COTL1: variants seen among roughly 807,000 people sequenced by gnomAD.
The protein encoded by COTL1 is coactosin like F-actin binding protein 1, also known as coactosin-like protein.
Under a neutral mutation model 16.5 loss-of-function variants are expected in COTL1, and 15 were observed. The ratio of observed to expected loss-of-function variants is 0.91; its 90% CI spans 0.61 to 1.40. The LOEUF (loss-of-function observed/expected upper bound fraction) is 1.40. Ranked by LOEUF, COTL1 falls within the 40% of genes most tolerant of loss-of-function variation. COTL1 has a pLI of 0.00. For missense variants in COTL1, 220 were observed against 201.5 expected (o/e 1.09, Z -0.56); for synonymous variants, 112 against 85.3 (o/e 1.31, Z -1.73).
intron 3 of COTL1, among the ~76,000 whole-genome samples, chr16:84,582,247 G>A (rs12325048): frequency 0.23 from 34,726 of 151,686 alleles, 4,100 homozygotes; most frequent in Non-Finnish European, 0.27. Context: ...CACCCACCTC[G>A]GCCTCCCAAA....
intron 3 of COTL1, among the ~76,000 whole-genome samples, chr16:84,587,009 C>T (rs1465576519): frequency 1.3e-5 from 2 of 152,168 alleles, no homozygotes; most frequent in African/African-American, 2.4e-5. Flanking sequence ...CTCCCGGCGA[C>T]GTCCAGGAGT....
In COTL1 at chr16:84,617,476, C is replaced by G. The variant is rs376359334; in HGVS notation, c.160+25G>C. On this transcript the variant is annotated intron_variant, in intron 2 of 3. Coordinates refer to ENST00000262428, the MANE Select transcript of COTL1 (RefSeq NM_021149.5). Reference sequence around the variant, plus strand: ...AGACAACCTCCCAACGACCGCGCATCCGCCCGGCAGGCGCGCCTCCCTACC... The same window carrying G: ...AGACAACCTCCCAACGACCGCGCATGCGCCCGGCAGGCGCGCCTCCCTACC... 4.5e-6 allele frequency: 7 copies of G among 1,547,006 alleles called. No homozygotes were observed. The South Asian group carries it at 8.3e-5, about 18-fold the overall frequency.
intron 3 of COTL1, among the ~76,000 whole-genome samples, chr16:84,581,242 G>T (rs2875909): frequency 0.14 from 21,173 of 151,680 alleles, 3,249 homozygotes; most frequent in African/African-American, 0.38. Context: ...CAGGTGAAAT[G>T]CATCAGGCCA....
chr16:84,582,286 CGCCCA>C, intron 3 of COTL1, among the ~76,000 whole-genome samples: 1 of 152,236 alleles, frequency 6.6e-6, no homozygotes, highest in Non-Finnish European at 1.5e-5. Context: ...TGAGCCACTG[CGCCCA>C]GCCCATTTCT....
In COTL1 at chr16:84,617,823, A is replaced by G. The variant is rs557918370; in HGVS notation, c.77+15T>C. The G allele has an allele frequency of 1.9e-6, 3 of 1,567,310 alleles. No individual in the cohort carries two copies. The South Asian group carries it at 3.5e-5, about 18-fold the overall frequency. On this transcript the variant is annotated intron_variant, in intron 1 of 3. Transcript: ENST00000262428. ...CCCGGGGAGCGGGGCGTGGAGACGA[A>G]TGAAAAGTTCCTACCAGATGACGGC... is the stretch of plus-strand genomic sequence containing the variant.
At chr16:84,575,213 T>G (rs35796753) in intron 3 of COTL1, 10,164 of 151,936 alleles carry the variant, frequency 0.067, 528 homozygotes, top group African/African-American at 0.14. Context: ...AACTTTTGTA[T>G]TTTTAGTAGA....
intron 2 of COTL1, among the ~76,000 whole-genome samples, chr16:84,614,427 G>C (rs76933496): frequency 0.014 from 2,093 of 152,156 alleles, 42 homozygotes; most frequent in African/African-American, 0.048. Flanking sequence ...GAAAGGCCAG[G>C]CCAGGAGGCT....
At chr16:84,605,602 T>G (rs564824181) in intron 2 of COTL1, among the ~76,000 whole-genome samples, 3 of 152,304 alleles carry the variant, frequency 2.0e-5, no homozygotes, top group African/African-American at 7.2e-5. Context: ...ACCAGAGAGC[T>G]GGCATCATGA....
At chr16:84,577,262 T>G (rs1472601606) in intron 3 of COTL1, among the ~76,000 whole-genome samples, 2 of 151,510 alleles carry the variant, frequency 1.3e-5, no homozygotes, top group African/African-American at 4.9e-5. Context: ...TTTGGTTTTT[T>G]GAGACAGAGT....
At chr16:84,612,643 T>G (rs1319194625) in intron 2 of COTL1, among the ~76,000 whole-genome samples, 1 of 152,026 alleles carries the variant, frequency 6.6e-6, no homozygotes, top group African/African-American at 2.4e-5. Flanking sequence ...ACTTGCCGTG[T>G]GTGGTGGCAC....
At chr16:84,588,818 GT>G (rs750031327) in intron 3 of COTL1, among the ~76,000 whole-genome samples, 1 of 152,096 alleles carries the variant, frequency 6.6e-6, no homozygotes, top group South Asian at 2.1e-4. Flanking sequence ...TGCTCAGCCC[GT>G]TTTTGTTTTT....
intron 2 of COTL1, among the ~76,000 whole-genome samples, chr16:84,600,585 T>A (rs1049076145): frequency 1.3e-5 from 2 of 152,208 alleles, no homozygotes; most frequent in African/African-American, 2.4e-5. Context: ...AGAGCCAGGA[T>A]TACAGGCGCG....
intron 3 of COTL1, among the ~76,000 whole-genome samples, chr16:84,582,656 T>C (rs1192772797): frequency 2.0e-5 from 3 of 152,192 alleles, no homozygotes; most frequent in African/African-American, 7.2e-5. Flanking sequence ...GGTAGGAGAA[T>C]GGGGTAAGAA....
chr16:84,571,858 G>A (rs1904342606), intron 3 of COTL1, among the ~76,000 whole-genome samples: 1 of 152,214 alleles, frequency 6.6e-6, no homozygotes, highest in Non-Finnish European at 1.5e-5. Context: ...TATAGGGCCA[G>A]CAGCAACTCT....
At chr16:84,582,008 T>G (rs12325428) in intron 3 of COTL1, among the ~76,000 whole-genome samples, 1 of 133,108 alleles carries the variant, frequency 7.5e-6, no homozygotes, top group Non-Finnish European at 1.6e-5. Flanking sequence ...TTTTTTGAGA[T>G]GGAGTCTTGC....
At position 84,566,872 on chromosome 16, in the gene COTL1, TC is replaced by T. The variant is rs1437232641; in HGVS notation, c.401del (p.Gly134GlufsTer48). On this transcript the variant is annotated frameshift_variant, in exon 4 of 4. Coordinates refer to ENST00000262428, the MANE Select transcript of COTL1 (RefSeq NM_021149.5). LOFTEE classifies it high-confidence loss of function. ...FIKSELKKAG[G>X]ANYDAQTE ...ACTCCGTCTGGGCGTCGTAATTGGC[TC>T]CCCCCGCCTTCTTCAGCTCGCTCTT... The T allele has an allele frequency of 6.2e-7, 1 of 1,613,010 alleles. No individual in the cohort carries two copies. Among genetic ancestry groups the T allele is most frequent in the South Asian group, 1.1e-5 (1 of 91,028 alleles).
At chr16:84,605,546 G>A (rs960431437) in intron 2 of COTL1, among the ~76,000 whole-genome samples, 2 of 152,218 alleles carry the variant, frequency 1.3e-5, no homozygotes, top group African/African-American at 2.4e-5. Context: ...ACACCCACGT[G>A]ATCACTGCAG....
At chr16:84,613,113 G>A (rs376502696) in intron 2 of COTL1, among the ~76,000 whole-genome samples, 8 of 151,084 alleles carry the variant, frequency 5.3e-5, no homozygotes, top group African/African-American at 1.5e-4. Flanking sequence ...TGATTCTCCC[G>A]CCTCAGTCTC....
At chr16:84,610,611 G>A (rs551279063) in intron 2 of COTL1, among the ~76,000 whole-genome samples, 26 of 152,156 alleles carry the variant, frequency 1.7e-4, no homozygotes, top group Non-Finnish European at 3.5e-4. Flanking sequence ...GCAGAAGAGT[G>A]GCTTGCTCTG....
Sources: gnomAD v4.1 joint callset for allele counts (sites outside exome capture counted in the v4.1 genomes callset) on GRCh38, gnomAD v4.1.1 for gene constraint, MANE v1.5 for transcripts, NCBI Gene and HGNC (gene_info 2026-07-23, HGNC 2026-07-21) for gene names.